Variants in FHIT observed in about 807,000 individuals in gnomAD.
FHIT encodes fragile histidine triad diadenosine triphosphatase.
FHIT carries 19 observed loss-of-function variants against 17.9 expected under a neutral mutation model. That is an observed-to-expected ratio of 1.06 (90% CI 0.74 to 1.56). The LOEUF (loss-of-function observed/expected upper bound fraction) is 1.56, where lower values mean the gene tolerates loss of function less well. FHIT is among the 40% of genes most tolerant of loss of function. The pLI, the probability that FHIT is intolerant of heterozygous loss-of-function variation, is 0.00. For synonymous variants in FHIT, 81 were observed against 69.7 expected (o/e 1.16, Z -0.81); for missense variants, 248 against 189.2 (o/e 1.31, Z -1.82).
At chr3:60,278,304 G>C (rs537098471) in intron 5 of FHIT, among the ~76,000 whole-genome samples, 59 of 152,316 alleles carry the variant, frequency 3.9e-4, no homozygotes, top group African/African-American at 1.4e-3. Context: ...CTGTAAGAAA[G>C]ACACGTCCTT....
At chr3:59,846,856 G>A (rs1406477258) in intron 8 of FHIT, among the ~76,000 whole-genome samples, 2 of 151,992 alleles carry the variant, frequency 1.3e-5, no homozygotes, top group African/African-American at 4.8e-5. Context: ...TTGGATACGT[G>A]ATTATTGGCT....
chr3:60,341,946 C>T (rs1045851923), intron 5 of FHIT, among the ~76,000 whole-genome samples: 1 of 151,882 alleles, frequency 6.6e-6, no homozygotes, highest in Non-Finnish European at 1.5e-5. Context: ...GGATTAGAAA[C>T]GTGGACACAT....
At chr3:60,418,376 G>GTATATATATA (rs869203310) in intron 5 of FHIT, among the ~76,000 whole-genome samples, 5 of 14,908 alleles carry the variant, frequency 3.4e-4, no homozygotes, top group African/African-American at 1.0e-3. Context: ...CTGAATGTGT[G>GTATATATATA]TATATATATA....
chr3:61,111,038 AAC>A (rs900975225), intron 2 of FHIT, among the ~76,000 whole-genome samples: 1 of 152,234 alleles, frequency 6.6e-6, no homozygotes, highest in African/African-American at 2.4e-5. Flanking sequence ...AATTTTTGAT[AAC>A]ACACAATTTA....
chr3:60,815,178 G>A (rs1200950329), intron 4 of FHIT, among the ~76,000 whole-genome samples: 2 of 151,828 alleles, frequency 1.3e-5, no homozygotes, highest in Non-Finnish European at 2.9e-5. Flanking sequence ...AATATTTTCT[G>A]TCATCCTGTA....
At chr3:60,156,336 T>C (rs1048335256) in intron 5 of FHIT, among the ~76,000 whole-genome samples, 4 of 147,756 alleles carry the variant, frequency 2.7e-5, no homozygotes, top group African/African-American at 1.0e-4. Flanking sequence ...GGTGACAGAG[T>C]GAGACTCTGT....
chr3:59,967,903 A>C (rs1708003207), intron 7 of FHIT, among the ~76,000 whole-genome samples: 2 of 152,214 alleles, frequency 1.3e-5, no homozygotes, highest in African/African-American at 4.8e-5. Context: ...TGGAGAAAAG[A>C]TATCTTAGAA....
chr3:60,489,313 C>A (rs1028290977), intron 5 of FHIT, among the ~76,000 whole-genome samples: 8 of 152,114 alleles, frequency 5.3e-5, no homozygotes, highest in African/African-American at 1.9e-4. Context: ...TACATATGAT[C>A]TCATTTTAAA....
At chr3:60,345,265 C>G (rs975699474) in intron 5 of FHIT, among the ~76,000 whole-genome samples, 24 of 152,162 alleles carry the variant, frequency 1.6e-4, no homozygotes, top group Admixed American at 1.6e-3. Flanking sequence ...TGGGCAGGGC[C>G]TCACAGTGAG....
chr3:59,951,057 C>T (rs1199969651), intron 7 of FHIT, among the ~76,000 whole-genome samples: 3 of 152,204 alleles, frequency 2.0e-5, no homozygotes, highest in Non-Finnish European at 4.4e-5. Flanking sequence ...GATACTAGTT[C>T]ATTCACTTCC....
chr3:60,633,776 T>C (rs1299739983), intron 4 of FHIT, among the ~76,000 whole-genome samples: 2 of 152,168 alleles, frequency 1.3e-5, no homozygotes, highest in African/African-American at 4.8e-5. Flanking sequence ...GGAGAAAGCA[T>C]GAGCCCGTAC....
chr3:60,312,109 G>C (rs950137960), intron 5 of FHIT, among the ~76,000 whole-genome samples: 6 of 152,056 alleles, frequency 3.9e-5, no homozygotes, highest in Non-Finnish European at 8.8e-5. Context: ...AATTATATAT[G>C]TGTAGGAGTA....
At chr3:60,374,100 A>G (rs1028758111) in intron 5 of FHIT, among the ~76,000 whole-genome samples, 40 of 152,238 alleles carry the variant, frequency 2.6e-4, no homozygotes, top group African/African-American at 8.9e-4. Context: ...TTTCTTACAT[A>G]TAACACATAT....
At chr3:60,777,324 G>T (rs188969115) in intron 4 of FHIT, among the ~76,000 whole-genome samples, 1 of 152,310 alleles carries the variant, frequency 6.6e-6, no homozygotes, top group Non-Finnish European at 1.5e-5. Flanking sequence ...GCATTGGTTT[G>T]GTTCAGAAAG....
At chr3:60,989,855 C>G (rs1382616432) in intron 3 of FHIT, among the ~76,000 whole-genome samples, 1 of 152,074 alleles carries the variant, frequency 6.6e-6, no homozygotes, top group Non-Finnish European at 1.5e-5. Flanking sequence ...TGTGCACTGC[C>G]TGGAGGTGGA....
At chr3:60,435,195 T>G (rs1380301443) in intron 5 of FHIT, among the ~76,000 whole-genome samples, 1 of 152,146 alleles carries the variant, frequency 6.6e-6, no homozygotes, top group African/African-American at 2.4e-5. Context: ...GCCAAAGCCC[T>G]GTGGGAAGTA....
At chr3:60,278,233 C>G (rs150030699) in intron 5 of FHIT, among the ~76,000 whole-genome samples, 1 of 152,104 alleles carries the variant, frequency 6.6e-6, no homozygotes, top group African/African-American at 2.4e-5. Context: ...ATGGGGAAGT[C>G]TGGAGAAAAA....
chr3:60,997,789 G>A (rs2030781469), intron 3 of FHIT, among the ~76,000 whole-genome samples: 1 of 152,006 alleles, frequency 6.6e-6, no homozygotes, highest in Admixed American at 6.5e-5. Context: ...AAAGATTAAA[G>A]ACAAAACAAA....
intron 5 of FHIT, among the ~76,000 whole-genome samples, chr3:60,529,791 C>G (rs530075926): frequency 6.6e-6 from 1 of 152,252 alleles, no homozygotes; most frequent in African/African-American, 2.4e-5. Context: ...ATGATAGCAA[C>G]ATAAGAAATA....
Sources: allele counts gnomAD v4.1 joint callset (sites outside exome capture counted in the v4.1 genomes callset), GRCh38; gene constraint gnomAD v4.1.1; transcripts MANE v1.5; gene names NCBI Gene and HGNC (gene_info 2026-07-23, HGNC 2026-07-21).